KRT73: variants seen among roughly 807,000 people sequenced by gnomAD.
KRT73 encodes keratin, type II cytoskeletal 73.
KRT73 carries 44 observed loss-of-function variants against 47.2 expected under a neutral mutation model. The ratio of observed to expected loss-of-function variants is 0.93; its 90% CI spans 0.73 to 1.20. The LOEUF (loss-of-function observed/expected upper bound fraction) is 1.20. Among genes scored for constraint, KRT73 ranks in the 50% most tolerant of loss-of-function variants. The pLI is 0.00. For missense variants in KRT73, 713 were observed against 704.5 expected (o/e 1.01, Z -0.14); for synonymous variants, 285 against 291.3 (o/e 0.98, Z 0.22).
Position 52,608,082 on chromosome 12 carries a change from C to T in KRT73, c.*114G>A, listed in dbSNP as rs1420245280. ...AAGGAGAAGGAGGAGAGGTCCACAG[C>T]AAAGCAAAGCAAGAAGGAGATGAGG... On this transcript the variant is annotated 3_prime_UTR_variant, in exon 9 of 9. Transcript: ENST00000305748. 1 of 1,186,898 alleles carries T rather than the reference C, an allele frequency of 8.4e-7. No homozygotes were observed. Among genetic ancestry groups the T allele is most frequent in the Non-Finnish European group, 1.2e-6 (1 of 842,962 alleles). 73.5% of individuals were successfully genotyped at this position (1,186,898 alleles called of 1,614,324 possible).
upstream of KRT73, among the ~76,000 whole-genome samples, chr12:52,620,262 G>A (rs925674743): frequency 6.6e-6 from 1 of 151,472 alleles, no homozygotes; most frequent in African/African-American, 2.4e-5. Context: ...GCAACACCAC[G>A]CCCGGCTAAT....
At chr12:52,610,914 G>T in intron 6 of KRT73, 79 bp from the exon 7 acceptor site, 1 of 1,252,888 alleles carries the variant, frequency 8.0e-7, no homozygotes, top group Non-Finnish European at 1.1e-6. Context: ...CAATGGTTGA[G>T]CCCTCCTCTG....
rs778766158 is a variant in KRT73, at chr12:52,613,752, C to T, written c.920G>A (p.Arg307His). 1.3e-5 allele frequency: 21 copies of T among 1,614,098 alleles called. No individual in the cohort carries two copies. Among genetic ancestry groups the T allele is most frequent in the South Asian group, 5.5e-5 (5 of 91,082 alleles). ...CCGGGCGATCTCCTCATACTGGGCA[C>T]GGACCTCAGCAATGATGCTGTCCAG... ...LDLDSIIAEV[R>H]AQYEEIARKS... The change falls in exon 5 of 9, where the codon CGT becomes CAT. Residue 307 changes from arginine (R) to histidine (H), a missense_variant. By Grantham distance (29) the Arg-to-His change is conservative (BLOSUM62 0). Coordinates refer to ENST00000305748, the MANE Select transcript of KRT73 (RefSeq NM_175068.3).
At position 52,614,674 on chromosome 12, in the gene KRT73, C is replaced by A; in HGVS notation, c.724G>T (p.Asp242Tyr). ...TTGCTCGTGTAAGCTGCGTCCACGT[C>A]CTATGGAGAATCCAGATACCCCTGA... is the stretch of plus-strand genomic sequence containing the variant. ...AENEFVVLKK[D>Y]VDAAYTSKVE... The change falls in exon 4 of 9, where the codon GAC becomes TAC. Residue 242 changes from aspartate to tyrosine, a missense_variant and splice_region_variant. By Grantham distance (160) the Asp-to-Tyr change is radical (BLOSUM62 -3). Transcript: ENST00000305748. 2 of 1,612,388 alleles carry A rather than the reference C, an allele frequency of 1.2e-6. No individual in the cohort carries two copies. Among genetic ancestry groups the A allele is most frequent in the Non-Finnish European group, 1.7e-6 (2 of 1,179,270 alleles).
chr12:52,622,952 TGAA>T (rs1940926226), upstream of KRT73, among the ~76,000 whole-genome samples: 1 of 151,894 alleles, frequency 6.6e-6, no homozygotes, highest in African/African-American at 2.4e-5. Flanking sequence ...AACAACAGAC[TGAA>T]GAAGAATAAA....
upstream of KRT73, among the ~76,000 whole-genome samples, chr12:52,622,655 A>AT (rs1940923284): frequency 6.6e-6 from 1 of 151,820 alleles, no homozygotes. Context: ...CTTCTATCCC[A>AT]TTTCTCTCCC....
At chr12:52,621,659 G>A (rs1940909457), upstream of KRT73, among the ~76,000 whole-genome samples, 1 of 152,146 alleles carries the variant, frequency 6.6e-6, no homozygotes, top group African/African-American at 2.4e-5. Context: ...CAGGAAAGGG[G>A]CAGCCTAGCA....
chr12:52,622,457 A>C (rs571365835), upstream of KRT73, among the ~76,000 whole-genome samples: 1 of 152,330 alleles, frequency 6.6e-6, no homozygotes, highest in Non-Finnish European at 1.5e-5. Context: ...CAAACTAAAA[A>C]TAACCAACTC....
chr12:52,610,030 G>C (rs1940660348), intron 7 of KRT73: 1 of 157,746 alleles, frequency 6.3e-6, no homozygotes, highest in African/African-American at 2.4e-5. Context: ...GGGGATATTT[G>C]TAAGTGTCTG....
upstream of KRT73, among the ~76,000 whole-genome samples, chr12:52,622,283 G>C (rs1013337029): frequency 5.9e-5 from 9 of 151,978 alleles, no homozygotes; most frequent in Non-Finnish European, 8.8e-5. Flanking sequence ...TTTCAACAAA[G>C]AAATTTAAAA....
the KRT73 span, among the ~76,000 whole-genome samples, chr12:52,624,803 C>G: frequency 8.2e-4 from 91 of 110,420 alleles, no homozygotes; most frequent in African/African-American, 3.6e-3. Context: ...ACAAAAAGCA[C>G]AAGCGACAAC....
the KRT73 span, among the ~76,000 whole-genome samples, chr12:52,624,708 T>C: frequency 6.6e-6 from 1 of 152,098 alleles, no homozygotes; most frequent in East Asian, 1.9e-4. Context: ...GCACATTATT[T>C]GCAAATACAT....
the KRT73 span, among the ~76,000 whole-genome samples, chr12:52,630,321 C>T: frequency 3.9e-5 from 6 of 152,226 alleles, no homozygotes. Context: ...CTGGGTCACC[C>T]ACCTGCACGC....
the KRT73 span, among the ~76,000 whole-genome samples, chr12:52,626,795 C>T: frequency 1.9e-4 from 29 of 152,264 alleles, no homozygotes; most frequent in Admixed American, 1.2e-3. Context: ...TCTGGGAAGG[C>T]AACGCAGCCA....
chr12:52,615,429 T>C (rs1940796574), intron 2 of KRT73, 90 bp from the exon 3 acceptor site: 6 of 996,864 alleles, frequency 6.0e-6, no homozygotes, highest in Non-Finnish European at 9.4e-6. Flanking sequence ...GATACCCATA[T>C]TATATGCCTT....
chr12:52,608,403 A>AT lies in KRT73; in HGVS notation c.1415_1416insA (p.Phe472LeufsTer35). On this transcript the variant is annotated frameshift_variant, in exon 9 of 9. Coordinates refer to ENST00000305748, the MANE Select transcript of KRT73 (RefSeq NM_175068.3). LOFTEE classifies it low-confidence loss of function (END_TRUNC). ...CGTAGGTGCCAGCATTGCTGAATCC[A>AT]AAGCCAGCCCCTGTGCCTGCCATCC... The AT allele has an allele frequency of 6.2e-7, 1 of 1,612,520 alleles. No individual in the cohort carries two copies. Among genetic ancestry groups the AT allele is most frequent in the East Asian group, 2.2e-5 (1 of 44,872 alleles).
At chr12:52,620,981 A>C (rs534088751), upstream of KRT73, among the ~76,000 whole-genome samples, 1 of 152,124 alleles carries the variant, frequency 6.6e-6, no homozygotes, top group South Asian at 2.1e-4. Flanking sequence ...ACTTCCCAGA[A>C]CTCCAGTGGC....
rs748644802 is a variant in KRT73, at chr12:52,614,629, C to A, written c.769G>T (p.Val257Leu). ...YTSKVELQAK[V>L]DALDGEIKFF... ...TTGATTTCTCCATCCAGGGCATCCA[C>A]CTTGGCCTGCAGCTCCACTTTGCTC... The change falls in exon 4 of 9, where the codon GTG (valine) becomes TTG (leucine). Residue 257 changes from valine (V) to leucine (L), a missense_variant. Transcript: ENST00000305748. 14 of 1,613,886 alleles carry A rather than the reference C, an allele frequency of 8.7e-6. 1 individual carries two copies. The East Asian group carries it at 2.9e-4, about 33-fold the overall frequency.
chr12:52,607,829 A>C lies in KRT73; in HGVS notation c.*367T>G. On this transcript the variant is annotated 3_prime_UTR_variant, in exon 9 of 9. Coordinates refer to ENST00000305748, the MANE Select transcript of KRT73 (RefSeq NM_175068.3). ...GAAAACTTGTGTACCCAGGGAGCAC[A>C]TGGCCAAATAGTTACTGAGACAGGG... 1 of 183,292 alleles carries C rather than the reference A, an allele frequency of 5.5e-6. No individual in the cohort carries two copies. 11.4% of individuals were successfully genotyped at this position (183,292 alleles called of 1,614,324 possible).
Sources: gnomAD v4.1 joint callset for allele counts (sites outside exome capture counted in the v4.1 genomes callset) on GRCh38, gnomAD v4.1.1 for gene constraint, MANE v1.5 for transcripts, NCBI Gene and HGNC (gene_info 2026-07-23, HGNC 2026-07-21) for gene names.